The following DNAH11 variants were observed in gnomAD, a reference collection of about 807,000 sequenced individuals.
DNAH11 encodes the protein dynein axonemal heavy chain 11, also known as axonemal beta dynein heavy chain 11.
In DNAH11, 442 loss-of-function variants were observed where a neutral mutation model predicts 526.0. That is an observed-to-expected ratio of 0.84 (90% CI 0.78 to 0.91). The LOEUF (loss-of-function observed/expected upper bound fraction) is 0.91, where lower values mean the gene tolerates loss of function less well. DNAH11 is among the 40% of genes least tolerant of loss of function. The probability of loss-of-function intolerance (pLI) is 0.00; values close to 1 mark genes in which losing one functional copy is unlikely to be tolerated. For synonymous variants in DNAH11, 2,461 were observed against 1,935.9 expected, an observed-to-expected ratio of 1.27 and a Z score of -7.12; for missense variants, 6,989 against 5,448.7, an observed-to-expected ratio of 1.28 and a Z score of -8.90.
At position 21,698,275 on chromosome 7, in the gene DNAH11, T is replaced by C. The variant is rs1029483841; in HGVS notation, c.6180+62T>C. On this transcript the variant is annotated intron_variant, in intron 36 of 81. Transcript: ENST00000409508. Reference sequence around the variant, plus strand: ...TACCATTGAAAAAGCTTTTGAAGTATGGATTTTAGGTAATTTATCATTCAA... The same window carrying C: ...TACCATTGAAAAAGCTTTTGAAGTACGGATTTTAGGTAATTTATCATTCAA... 5.7e-6 allele frequency: 9 copies of C among 1,590,028 alleles called. No individual in the cohort carries two copies. The South Asian group carries it at 9.4e-5, about 17-fold the overall frequency.
rs868804543 is a variant in DNAH11 at position 21,744,962 on chromosome 7, C to T, written c.8409C>T (p.Asp2803=). The T allele has an allele frequency of 1.2e-6, 2 of 1,610,300 alleles. No individual in the cohort carries two copies. The highest frequency in any genetic ancestry group is 1.7e-4 in the Middle Eastern group (1 of 6,056). ...GKDPHYMPVK[D]WEVLKTILTE... is the part of the protein sequence containing the mutation. ...ACCCACATTACATGCCAGTGAAGGA[C>T]TGGGAAGTGCTGAAGACGATTCTTA... is the stretch of plus-strand genomic sequence containing the variant. The change falls in exon 51 of 82, where the codon GAC becomes GAT. Residue 2803 remains aspartate (D), a synonymous_variant. Transcript: ENST00000409508.
intron 6 of DNAH11, among the ~76,000 whole-genome samples, chr7:21,567,816 C>A (rs1289822531): frequency 1.3e-5 from 2 of 152,360 alleles, no homozygotes; most frequent in East Asian, 3.9e-4. Context: ...AGGCCAGACA[C>A]ATAAAAGGCA....
intron 36 of DNAH11, among the ~76,000 whole-genome samples, chr7:21,700,508 A>G (rs1292641175): frequency 6.6e-6 from 1 of 151,976 alleles, no homozygotes; most frequent in Non-Finnish European, 1.5e-5. Flanking sequence ...TTCTGCATCC[A>G]CTCCTTTTAT....
At chr7:21,850,120 G>C (rs570624713) in intron 66 of DNAH11, among the ~76,000 whole-genome samples, 1 of 151,854 alleles carries the variant, frequency 6.6e-6, no homozygotes, top group Admixed American at 6.6e-5. Flanking sequence ...ACTTTGGGAG[G>C]CCAAGGCAGG....
rs574170765 is a variant in DNAH11, at chr7:21,864,992, A to G, written c.11496+335A>G. ...ATTTGTTTTCTTTTTAAATTTCCTT[A>G]AAAATTTGTTTTCTTTTTAAATCGT... is the stretch of plus-strand genomic sequence containing the variant. On this transcript the variant is annotated intron_variant, in intron 70 of 81. Coordinates refer to ENST00000409508, the MANE Select transcript of DNAH11 (RefSeq NM_001277115.2). 2.0e-5 allele frequency among the ~76,000 whole-genome samples: 3 copies of G among 152,310 alleles called. No individual in the cohort carries two copies. The East Asian group carries it at 5.8e-4, about 29-fold the overall frequency.
chr7:21,873,509 A>T lies in DNAH11; in HGVS notation c.12195+8A>T. 6.2e-7 allele frequency: 1 copy of T among 1,613,380 alleles called. No individual in the cohort carries two copies. Among genetic ancestry groups the T allele is most frequent in the African/African-American group, 1.3e-5 (1 of 75,044 alleles). ...CTGTACAACTTTGATCAGGTAAGAA[A>T]GCGAAGCAGGCTAGGCAGACAATGA... is the stretch of plus-strand genomic sequence containing the variant. On this transcript the variant is annotated splice_region_variant and intron_variant, in intron 74 of 81. Coordinates refer to ENST00000409508, the MANE Select transcript of DNAH11 (RefSeq NM_001277115.2).
chr7:21,562,892 G>T (rs1475224220), intron 5 of DNAH11, among the ~76,000 whole-genome samples: 1 of 152,102 alleles, frequency 6.6e-6, no homozygotes, highest in Non-Finnish European at 1.5e-5. Flanking sequence ...TCAAGTGTCT[G>T]GGTTCATCCT....
chr7:21,857,216 A>C (rs1782885782), intron 68 of DNAH11, among the ~76,000 whole-genome samples: 1 of 152,234 alleles, frequency 6.6e-6, no homozygotes, highest in South Asian at 2.1e-4. Context: ...CACTATTTAC[A>C]GTGGCTTCCA....
At chr7:21,617,420 C>T (rs1366230693) in intron 22 of DNAH11, among the ~76,000 whole-genome samples, 199 bp from the exon 23 acceptor site, 1 of 152,206 alleles carries the variant, frequency 6.6e-6, no homozygotes, top group Non-Finnish European at 1.5e-5. Context: ...ATACAAGTGG[C>T]TTGTACGGAG....
chr7:21,691,870 G>A (rs535218163), intron 35 of DNAH11, among the ~76,000 whole-genome samples: 1 of 152,220 alleles, frequency 6.6e-6, no homozygotes, highest in East Asian at 1.9e-4. Flanking sequence ...GTAGCAGGCT[G>A]TAAACTTCTA....
intron 55 of DNAH11, among the ~76,000 whole-genome samples, chr7:21,772,672 G>A (rs1290387650): frequency 6.6e-6 from 1 of 152,046 alleles, no homozygotes; most frequent in Admixed American, 6.5e-5. Context: ...TTTAACTTTT[G>A]TTTTAGTAAT....
At chr7:21,752,836 C>T (rs1410112437) in intron 54 of DNAH11, among the ~76,000 whole-genome samples, 6 of 152,172 alleles carry the variant, frequency 3.9e-5, no homozygotes, top group African/African-American at 1.2e-4. Flanking sequence ...CCTCAGCCTC[C>T]TGAGTAGCTG....
At chr7:21,560,287 ATATAT>A (rs367789883) in intron 4 of DNAH11, among the ~76,000 whole-genome samples, 39 of 152,206 alleles carry the variant, frequency 2.6e-4, no homozygotes, top group Middle Eastern at 6.8e-3. Context: ...TACATATATA[ATATAT>A]TAGGTTCTCT....
chr7:21,735,593 C>T (rs745452119), intron 45 of DNAH11, 47 bp from the exon 46 acceptor site: 14 of 1,522,370 alleles, frequency 9.2e-6, no homozygotes, highest in Non-Finnish European at 1.2e-5. Flanking sequence ...CTCGCACGCA[C>T]TCTCTCTCTC....
At chr7:21,543,641 C>G (rs1782676917) in intron 1 of DNAH11, 45 bp downstream of exon 1, 1 of 1,540,404 alleles carries the variant, frequency 6.5e-7, no homozygotes, top group African/African-American at 1.4e-5. Context: ...AACAAAACTA[C>G]CCAGGGGAGA....
rs538292229 is a variant in DNAH11 at position 21,668,049 on chromosome 7, T to G, written c.5328+9018T>G. Among the ~76,000 whole-genome samples the G allele has an allele frequency of 2.2e-4, 34 of 152,276 alleles. No individual in the cohort carries two copies. The South Asian group carries it at 7.0e-3, about 32-fold the overall frequency. On this transcript the variant is annotated intron_variant, in intron 30 of 81. Coordinates refer to ENST00000409508, the MANE Select transcript of DNAH11 (RefSeq NM_001277115.2). ...CAGAGATGTAAGGATTTTCCACTCTTTCTATAAAGTTCTAATATACTTGAT... is the reference window on the plus strand; with the variant it reads ...CAGAGATGTAAGGATTTTCCACTCTGTCTATAAAGTTCTAATATACTTGAT...
At chr7:21,749,327 G>A (rs1038522507) in intron 52 of DNAH11, among the ~76,000 whole-genome samples, 5 of 152,126 alleles carry the variant, frequency 3.3e-5, no homozygotes, top group African/African-American at 1.2e-4. Context: ...CGAAAAAATA[G>A]GACAGTTGTT....
chr7:21,570,050 C>T lies in DNAH11; in HGVS notation c.1195-19C>T. On this transcript the variant is annotated intron_variant, in intron 6 of 81. Transcript: ENST00000409508. ...GTTAAACATAGTTTTGATCATTGTT[C>T]CCTTTCATTAAATCCTAGGCAACAG... 2.0e-6 allele frequency: 3 copies of T among 1,534,042 alleles called. No individual in the cohort carries two copies. The highest frequency in any genetic ancestry group is 2.7e-6 in the Non-Finnish European group (3 of 1,131,350).
In DNAH11 at chr7:21,641,523, C is replaced by T. The variant is rs73271646; in HGVS notation, c.4944+2458C>T. Among the ~76,000 whole-genome samples the T allele has an allele frequency of 7.4e-3, 1,125 of 152,298 alleles. 16 individuals are homozygous for T. The highest frequency in any genetic ancestry group is 0.026 in the African/African-American group (1,067 of 41,560). On this transcript the variant is annotated intron_variant, in intron 28 of 81. Transcript: ENST00000409508. The stretch of plus-strand genomic sequence containing the variant: ...CCACCTCTTTGTCCTTAATTGAAGT[C>T]CTAGTCTGTGCTAGAGGAAAAGATC...
Sources: gnomAD v4.1 joint callset for allele counts (sites outside exome capture counted in the v4.1 genomes callset) on GRCh38, gnomAD v4.1.1 for gene constraint, MANE v1.5 for transcripts, NCBI Gene and HGNC (gene_info 2026-07-23, HGNC 2026-07-21) for gene names.